The following PDE3A variants were observed in gnomAD, a reference collection of about 807,000 sequenced individuals.
The protein encoded by PDE3A is phosphodiesterase 3A.
PDE3A carries 43 observed loss-of-function variants against 98.3 expected under a neutral mutation model. The observed-to-expected ratio is 0.44, with a 90% CI of 0.34 to 0.56. The LOEUF is 0.56. Among genes scored for constraint, PDE3A ranks in the 20% least tolerant of loss-of-function variants. PDE3A has a pLI of 0.01. For synonymous variants in PDE3A, 663 were observed against 567.9 expected (o/e 1.17, Z -2.38); for missense variants, 1,427 against 1,440.7 (o/e 0.99, Z 0.15).
intron 2 of PDE3A, among the ~76,000 whole-genome samples, chr12:20,577,381 G>A (rs12319108): frequency 0.54 from 82,251 of 151,966 alleles, 22,346 homozygotes; most frequent in Admixed American, 0.6. Context: ...GAATTCACCC[G>A]GTAGATAATA....
chr12:20,669,100 C>T (rs1190782964), intron 15 of PDE3A, among the ~76,000 whole-genome samples: 12 of 150,074 alleles, frequency 8.0e-5, no homozygotes, highest in African/African-American at 1.9e-4. Flanking sequence ...ACGGTATCAG[C>T]GATGGAAGAT....
chr12:20,577,232 C>T (rs535975931), intron 2 of PDE3A, among the ~76,000 whole-genome samples: 30 of 152,180 alleles, frequency 2.0e-4, no homozygotes, highest in African/African-American at 6.7e-4. Flanking sequence ...TTTGGGCACC[C>T]AGTGACTAGG....
intron 1 of PDE3A, among the ~76,000 whole-genome samples, chr12:20,404,688 TTTAA>T (rs1474286612): frequency 1.3e-5 from 2 of 152,168 alleles, no homozygotes; most frequent in African/African-American, 4.8e-5. Flanking sequence ...TTCCTAAAAG[TTTAA>T]TTAACTCTTT....
rs766646526 is a variant in PDE3A at position 20,613,430 on chromosome 12, G to A, written c.1012-13G>A. 6.2e-7 allele frequency: 1 copy of A among 1,613,756 alleles called. No homozygotes were observed. The highest frequency in any genetic ancestry group is 2.2e-5 in the East Asian group (1 of 44,858). On this transcript the variant is annotated splice_polypyrimidine_tract_variant and intron_variant, in intron 2 of 15. Coordinates refer to ENST00000359062, the MANE Select transcript of PDE3A (RefSeq NM_000921.5). Reference sequence around the variant, plus strand: ...CCTTTTCTTGCCTGATCTTGTCTTGGTTTGTGTCTCAGTCTTCAGGAACCA... The same window carrying A: ...CCTTTTCTTGCCTGATCTTGTCTTGATTTGTGTCTCAGTCTTCAGGAACCA...
chr12:20,379,135 TG>T (rs1207098954), intron 1 of PDE3A, among the ~76,000 whole-genome samples: 1 of 151,854 alleles, frequency 6.6e-6, no homozygotes, highest in Non-Finnish European at 1.5e-5. Context: ...AGAGACCTAA[TG>T]GAAGTTTGAA....
chr12:20,414,726 G>A (rs1944393339), intron 1 of PDE3A, among the ~76,000 whole-genome samples: 1 of 152,160 alleles, frequency 6.6e-6, no homozygotes, highest in South Asian at 2.1e-4. Context: ...TTTAAAGATA[G>A]AGACTCAGTT....
At chr12:20,597,831 A>G (rs928884709) in intron 2 of PDE3A, among the ~76,000 whole-genome samples, 1 of 152,118 alleles carries the variant, frequency 6.6e-6, no homozygotes, top group African/African-American at 2.4e-5. Context: ...AGTACCAGGT[A>G]CCCAATAGAT....
rs562636494 is a variant in PDE3A, at chr12:20,429,770, G to A, written c.960+59526G>A. On this transcript the variant is annotated intron_variant, in intron 1 of 15. Transcript: ENST00000359062. ...TTAATTTTTTCTAGTTATTGTTGAT[G>A]TTTTATTTTTTACCTTCATCATTTC... Among the ~76,000 whole-genome samples the A allele has an allele frequency of 5.5e-4, 83 of 152,092 alleles. 1 individual carries two copies. Among genetic ancestry groups the A allele is most frequent in the Non-Finnish European group, 3.7e-4 (25 of 67,974 alleles).
chr12:20,671,549 G>A (rs1205272246), intron 15 of PDE3A, among the ~76,000 whole-genome samples: 9 of 150,256 alleles, frequency 6.0e-5, no homozygotes, highest in South Asian at 2.1e-4. Context: ...TTCAATATAC[G>A]CAAATCAATA....
chr12:20,662,127 A>C (rs113481539), intron 15 of PDE3A, among the ~76,000 whole-genome samples: 11 of 152,108 alleles, frequency 7.2e-5, no homozygotes, highest in African/African-American at 2.4e-4. Context: ...CTGTAAGTCC[A>C]ATAAACTTCT....
intron 1 of PDE3A, among the ~76,000 whole-genome samples, chr12:20,480,207 C>A (rs1454485550): frequency 1.3e-5 from 2 of 152,100 alleles, no homozygotes; most frequent in Non-Finnish European, 2.9e-5. Context: ...AGTGGCCAAC[C>A]AATGAGAGGG....
chr12:20,498,126 G>A (rs117888198), intron 1 of PDE3A, among the ~76,000 whole-genome samples: 41 of 152,184 alleles, frequency 2.7e-4, no homozygotes, highest in Non-Finnish European at 5.4e-4. Flanking sequence ...TCCATATCAA[G>A]CATTTTCCAC....
chr12:20,500,731 A>C (rs1946007196), intron 1 of PDE3A, among the ~76,000 whole-genome samples: 1 of 151,692 alleles, frequency 6.6e-6, no homozygotes. Flanking sequence ...TTTTTTAAAA[A>C]ATTGATCGAT....
chr12:20,654,489 GGTTTTTTGTTT>G (rs1052199908), intron 15 of PDE3A, among the ~76,000 whole-genome samples: 46 of 100,872 alleles, frequency 4.6e-4, no homozygotes, highest in Admixed American at 4.2e-3. Context: ...CAGGGTATCT[GGTTTTTTGTTT>G]GTTTTTTGTT....
Position 20,680,013 on chromosome 12 carries a change from T to C in PDE3A, c.3185-17T>C, listed in dbSNP as rs968866877. On this transcript the variant is annotated splice_polypyrimidine_tract_variant and intron_variant, in intron 15 of 15. Transcript: ENST00000359062. ...CTAAGTAGTCTGATTTGGTGTTTTT[T>C]ATTTTATTTATTTTAGAAAAGAAGA... is the stretch of plus-strand genomic sequence containing the variant. 7 of 1,566,578 alleles carry C rather than the reference T, an allele frequency of 4.5e-6. No homozygotes were observed. Among genetic ancestry groups the C allele is most frequent in the African/African-American group, 4.1e-5 (3 of 72,630 alleles).
At chr12:20,435,977 TGGGAGG>T (rs2120821190) in intron 1 of PDE3A, among the ~76,000 whole-genome samples, 1 of 152,234 alleles carries the variant, frequency 6.6e-6, no homozygotes, top group East Asian at 1.9e-4. Flanking sequence ...ATTTTTGGTG[TGGGAGG>T]GGTTTTTCTG....
chr12:20,650,086 A>C (rs1027301466), intron 13 of PDE3A, among the ~76,000 whole-genome samples: 1 of 152,204 alleles, frequency 6.6e-6, no homozygotes, highest in Non-Finnish European at 1.5e-5. Flanking sequence ...ATGTATAATA[A>C]TCACAACAGA....
intron 3 of PDE3A, 46 bp downstream of exon 3, chr12:20,613,746 T>TA (rs1565449541): frequency 6.6e-7 from 1 of 1,508,844 alleles, no homozygotes; most frequent in East Asian, 2.3e-5. Context: ...CTATTTTTTT[T>TA]AATTGTCTTC....
chr12:20,578,557 A>G (rs1942995913), intron 2 of PDE3A, among the ~76,000 whole-genome samples: 1 of 152,082 alleles, frequency 6.6e-6, no homozygotes, highest in African/African-American at 2.4e-5. Context: ...CACAATAAGC[A>G]CTATCATTTG....
Sources: gnomAD v4.1 joint callset for allele counts (sites outside exome capture counted in the v4.1 genomes callset) on GRCh38, gnomAD v4.1.1 for gene constraint, MANE v1.5 for transcripts, NCBI Gene and HGNC (gene_info 2026-07-23, HGNC 2026-07-21) for gene names.